CHURC1: variants seen among roughly 807,000 people sequenced by gnomAD.
CHURC1 encodes churchill domain containing 1.
CHURC1 carries 12 observed loss-of-function variants against 15.4 expected under a neutral mutation model. That is an observed-to-expected ratio of 0.78 (90% CI 0.50 to 1.27). The LOEUF (loss-of-function observed/expected upper bound fraction) is 1.27, where lower values mean the gene tolerates loss of function less well. Ranked by LOEUF, CHURC1 falls within the 50% of genes most tolerant of loss-of-function variation. The probability of loss-of-function intolerance (pLI) is 0.00; values close to 1 mark genes in which losing one functional copy is unlikely to be tolerated. For missense variants in CHURC1, 132 were observed against 137.8 expected (o/e 0.96, Z 0.21); for synonymous variants, 42 against 47.5 (o/e 0.88, Z 0.48).
At chr14:64,920,068 G>A (rs973130042) in intron 1 of CHURC1, among the ~76,000 whole-genome samples, 1 of 151,794 alleles carries the variant, frequency 6.6e-6, no homozygotes, top group East Asian at 1.9e-4. Context: ...ACATTCCCTG[G>A]CAAAATATAT....
intron 1 of CHURC1, 110 bp from the exon 2 acceptor site, chr14:64,923,881 C>G: frequency 1.9e-6 from 2 of 1,071,012 alleles, no homozygotes; most frequent in Non-Finnish European, 2.4e-6. Context: ...GAAGTAAATG[C>G]TGGCCATTTT....
chr14:64,933,422 T>C lies in CHURC1; in HGVS notation c.*1192T>C. On this transcript the variant is annotated 3_prime_UTR_variant, in exon 4 of 4. Transcript: ENST00000549115. Reference sequence around the variant, plus strand: ...TTAGAATATCTTACTTTGCATAGTTTCATGAGCACTGGCCAGGAGGTTATA... The same window carrying C: ...TTAGAATATCTTACTTTGCATAGTTCCATGAGCACTGGCCAGGAGGTTATA... The C allele has an allele frequency of 1.0e-6, 1 of 985,488 alleles. No homozygotes were observed. Among genetic ancestry groups the C allele is most frequent in the Non-Finnish European group, 1.2e-6 (1 of 829,950 alleles). The allele number at this position is 985,488 out of a possible 1,614,324, so 61.0% of individuals were successfully genotyped here. A position where few individuals can be genotyped will look rare whatever the true frequency, so the allele number is the denominator to read the frequency against.
At chr14:64,925,858 A>G (rs1884659929) in intron 2 of CHURC1, 152 bp from the exon 3 acceptor site, 1 of 449,286 alleles carries the variant, frequency 2.2e-6, no homozygotes, top group Admixed American at 4.0e-5. Flanking sequence ...TCTTTTAAAA[A>G]TCAAGGTAGA....
rs147829082 is a variant in CHURC1, at chr14:64,924,011, T to C, written c.60T>C (p.Asn20=). ...YPNRGNTCLE[N]GSFLLNFTGC... The stretch of plus-strand genomic sequence containing the variant: ...TTTAGGGTAATACCTGCCTGGAGAA[T>C]GGATCTTTCTTACTGAACTTTACAG... Residue 20 remains asparagine (N), a synonymous_variant, in exon 2 of 4, where the codon AAT becomes AAC. Transcript: ENST00000549115. 2.6e-6 allele frequency: 4 copies of C among 1,566,236 alleles called. No homozygotes were observed. The highest frequency in any genetic ancestry group is 3.4e-4 in the Middle Eastern group (2 of 5,916).
chr14:64,929,462 C>G (rs4902343), intron 3 of CHURC1, among the ~76,000 whole-genome samples: 39,989 of 151,936 alleles, frequency 0.26, 6,023 homozygotes, highest in African/African-American at 0.4. Flanking sequence ...GCCACAAGAA[C>G]CCTCCATTCT....
chr14:64,917,112 G>A (rs1441525000), intron 1 of CHURC1, among the ~76,000 whole-genome samples: 1 of 152,162 alleles, frequency 6.6e-6, no homozygotes, highest in East Asian at 1.9e-4. Flanking sequence ...AGTGGTGTAG[G>A]CATGAGATAA....
At chr14:64,918,697 G>T (rs1371088613) in intron 1 of CHURC1, among the ~76,000 whole-genome samples, 3 of 152,152 alleles carry the variant, frequency 2.0e-5, no homozygotes, top group Non-Finnish European at 4.4e-5. Flanking sequence ...AGGCGTGGTG[G>T]TGTGTGCCTA....
intron 3 of CHURC1, chr14:64,930,835 G>A (rs1208619223): frequency 1.1e-5 from 5 of 455,354 alleles, no homozygotes; most frequent in Non-Finnish European, 2.2e-5. Flanking sequence ...GTGGGTTGAA[G>A]CAGTGGAAGT....
intron 1 of CHURC1, among the ~76,000 whole-genome samples, chr14:64,921,537 A>C (rs1266833944): frequency 6.6e-6 from 1 of 152,236 alleles, no homozygotes; most frequent in Non-Finnish European, 1.5e-5. Context: ...AAAAGAAGAT[A>C]CATGAATAAG....
rs1236175387 is a variant in CHURC1, at chr14:64,919,912, G to GA, written c.40-4071dup. ...AAGAAAAAAAAAGAAAAAGACAATGGAAAAAAAAGAGCAAACTAAACCCAG... is the reference window on the plus strand; with the variant it reads ...AAGAAAAAAAAAGAAAAAGACAATGGAAAAAAAAAGAGCAAACTAAACCCAG... On this transcript the variant is annotated intron_variant, in intron 1 of 3. Coordinates refer to ENST00000549115, the MANE Select transcript of CHURC1 (RefSeq NM_001386928.1). Among the ~76,000 whole-genome samples the GA allele has an allele frequency of 5.3e-5, 8 of 150,494 alleles. No individual in the cohort carries two copies. The South Asian group carries it at 8.4e-4, about 16-fold the overall frequency.
chr14:64,932,226 T>C lies in CHURC1; in HGVS notation c.335T>C (p.Phe112Ser), dbSNP rs758090776. The C allele has an allele frequency of 3.1e-6, 5 of 1,614,046 alleles. No individual in the cohort carries two copies. The highest frequency in any genetic ancestry group is 2.5e-6 in the Non-Finnish European group (3 of 1,179,914). The change falls in exon 4 of 4, where the codon TTC becomes TCC. Residue 112 changes from phenylalanine to serine, a missense_variant. Phe to Ser is a radical substitution (Grantham distance 155, BLOSUM62 -2). Coordinates refer to ENST00000549115, the MANE Select transcript of CHURC1 (RefSeq NM_001386928.1). ...PDDPRQMTLL[F>S] ...GACCCCCGACAAATGACTCTCTTAT[T>C]CTAAGGATCCTTCTACAGATCTGTT...
intron 3 of CHURC1, among the ~76,000 whole-genome samples, chr14:64,929,532 G>A (rs898009633): frequency 4.6e-5 from 7 of 152,042 alleles, no homozygotes; most frequent in Non-Finnish European, 7.4e-5. Flanking sequence ...TCCTATCCTG[G>A]CAGTAGTTCA....
In CHURC1 at chr14:64,933,709, A is replaced by G; in HGVS notation, c.*1479A>G. The G allele has an allele frequency of 1.0e-6, 1 of 985,470 alleles. No individual in the cohort carries two copies. Among genetic ancestry groups the G allele is most frequent in the Non-Finnish European group, 1.2e-6 (1 of 829,944 alleles). The allele number at this position is 985,470 out of a possible 1,614,324, so 61.0% of individuals were successfully genotyped here. On this transcript the variant is annotated 3_prime_UTR_variant, in exon 4 of 4. Coordinates refer to ENST00000549115, the MANE Select transcript of CHURC1 (RefSeq NM_001386928.1). ...ATTTAAAGGGTCAGGCATTAGAAAC[A>G]AAAGTGTTTCTTCATATCTAGGAGA... is the stretch of plus-strand genomic sequence containing the variant.
chr14:64,927,732 T>TCCCCCCCCCCCCCCCCCCCC (rs1566830855), intron 3 of CHURC1, among the ~76,000 whole-genome samples: 3 of 106,668 alleles, frequency 2.8e-5, no homozygotes, highest in Non-Finnish European at 3.8e-5. Context: ...CCCCCCGCCG[T>TCCCCCCCCCCCCCCCCCCCC]CAATTCATAC....
intron 3 of CHURC1, 151 bp from the exon 4 acceptor site, chr14:64,931,987 C>A: frequency 1.1e-6 from 1 of 949,496 alleles, no homozygotes; most frequent in Non-Finnish European, 1.5e-6. Flanking sequence ...CAGAATAAGC[C>A]TAAGACATTG....
intron 3 of CHURC1, among the ~76,000 whole-genome samples, chr14:64,926,705 A>G (rs1361287957): frequency 1.3e-5 from 2 of 152,210 alleles, no homozygotes; most frequent in African/African-American, 2.4e-5. Flanking sequence ...GTAAGACATT[A>G]TAGTATTGTT....
At chr14:64,925,754 A>G (rs534602283) in intron 2 of CHURC1, among the ~76,000 whole-genome samples, 30 of 151,540 alleles carry the variant, frequency 2.0e-4, no homozygotes, top group African/African-American at 7.3e-4. Flanking sequence ...ACACTTAAAT[A>G]TGTTTTAACT....
At position 64,934,832 on chromosome 14, in the gene CHURC1, T is replaced by C. The variant is rs768529210; in HGVS notation, c.*2602T>C. ...CAATGTCCTCATCTATTGCAGAATG[T>C]ATAATTATCTATTTGTTTTGGACTA... On this transcript the variant is annotated 3_prime_UTR_variant, in exon 4 of 4. Coordinates refer to ENST00000549115, the MANE Select transcript of CHURC1 (RefSeq NM_001386928.1). The C allele has an allele frequency of 6.1e-4, 602 of 984,994 alleles. No homozygotes were observed. The highest frequency in any genetic ancestry group is 1.0e-3 in the Middle Eastern group (2 of 1,936). The allele number at this position is 984,994 out of a possible 1,614,324, so 61.0% of individuals were successfully genotyped here. A position where few individuals can be genotyped will look rare whatever the true frequency, so the allele number is the denominator to read the frequency against.
At chr14:64,927,087 G>A (rs1186547742) in intron 3 of CHURC1, among the ~76,000 whole-genome samples, 2 of 152,134 alleles carry the variant, frequency 1.3e-5, no homozygotes, top group African/African-American at 4.8e-5. Flanking sequence ...TTCACATTTG[G>A]ATAGTACTTA....
Sources: gnomAD v4.1 joint callset for allele counts (sites outside exome capture counted in the v4.1 genomes callset) on GRCh38, gnomAD v4.1.1 for gene constraint, MANE v1.5 for transcripts, NCBI Gene and HGNC (gene_info 2026-07-23, HGNC 2026-07-21) for gene names.